Variants in NRXN3 observed in about 807,000 individuals in gnomAD.
The protein encoded by NRXN3 is neurexin III.
Under a neutral mutation model 137.6 loss-of-function variants are expected in NRXN3, and 32 were observed. The observed-to-expected ratio is 0.23, with a 90% CI of 0.18 to 0.31. The LOEUF is 0.31. Ranked by LOEUF, NRXN3 falls within the 10% of genes least tolerant of loss-of-function variation. NRXN3 has a pLI of 1.00. For synonymous variants in NRXN3, 798 were observed against 784.5 expected, an observed-to-expected ratio of 1.02 and a Z score of -0.29; for missense variants, 1,574 against 2,062.5, an observed-to-expected ratio of 0.76 and a Z score of 4.59.
intron 6 of NRXN3, among the ~76,000 whole-genome samples, chr14:78,657,086 T>TC (rs2097791369): frequency 7.6e-6 from 1 of 131,412 alleles, no homozygotes; most frequent in Non-Finnish European, 1.6e-5. Context: ...GAAAAGGTGG[T>TC]CCCCTGAGCT....
chr14:79,217,215 G>A (rs994196819), intron 15 of NRXN3, among the ~76,000 whole-genome samples: 1 of 152,174 alleles, frequency 6.6e-6, no homozygotes, highest in African/African-American at 2.4e-5. Context: ...GAAGCATAGT[G>A]TTAGCATCTG....
chr14:79,171,897 A>G (rs1036881100), intron 15 of NRXN3, among the ~76,000 whole-genome samples: 4 of 151,856 alleles, frequency 2.6e-5, no homozygotes, highest in Admixed American at 6.6e-5. Flanking sequence ...ACTGTGTGCA[A>G]CTCTGACTTT....
At chr14:78,885,032 T>G (rs1031614742) in intron 10 of NRXN3, among the ~76,000 whole-genome samples, 7 of 151,806 alleles carry the variant, frequency 4.6e-5, no homozygotes, top group Non-Finnish European at 8.8e-5. Context: ...TATTTGACTT[T>G]AATAAACAGC....
chr14:78,327,152 A>T (rs1266258850), intron 4 of NRXN3, among the ~76,000 whole-genome samples: 3 of 152,226 alleles, frequency 2.0e-5, no homozygotes, highest in African/African-American at 7.2e-5. Context: ...ATTATTAGTT[A>T]TTGTTAATGG....
At chr14:78,249,800 G>A (rs76757394) in intron 2 of NRXN3, among the ~76,000 whole-genome samples, 2,124 of 152,234 alleles carry the variant, frequency 0.014, 52 homozygotes, top group African/African-American at 0.049. Flanking sequence ...TTTTACGGAT[G>A]AGGAAACCGA....
intron 4 of NRXN3, among the ~76,000 whole-genome samples, chr14:78,618,084 A>C (rs1321426900): frequency 6.6e-6 from 1 of 151,932 alleles, no homozygotes; most frequent in Non-Finnish European, 1.5e-5. Flanking sequence ...TACAGTTAGC[A>C]CCCGAAAAGT....
chr14:79,282,493 G>GTC (rs535502639), intron 15 of NRXN3, among the ~76,000 whole-genome samples: 3,849 of 148,542 alleles, frequency 0.026, 156 homozygotes, highest in African/African-American at 0.084. Context: ...GTCAGAGTCA[G>GTC]TCTCTCTCTC....
intron 16 of NRXN3, among the ~76,000 whole-genome samples, chr14:79,560,582 C>T (rs1206279130): frequency 1.5e-5 from 2 of 134,684 alleles, no homozygotes. Flanking sequence ...ACAATCTCGG[C>T]TCACTGCAAC....
At chr14:78,866,846 G>A (rs1264584758) in intron 10 of NRXN3, among the ~76,000 whole-genome samples, 1 of 137,838 alleles carries the variant, frequency 7.3e-6, no homozygotes, top group African/African-American at 2.8e-5. Context: ...TGCCCAGGCT[G>A]GAGTACAGTG....
intron 15 of NRXN3, among the ~76,000 whole-genome samples, chr14:79,069,124 G>A (rs916951967): frequency 6.6e-6 from 1 of 152,060 alleles, no homozygotes; most frequent in Non-Finnish European, 1.5e-5. Context: ...CAGCACTGTT[G>A]GCTAAATATG....
chr14:78,415,614 A>G (rs1328937343), intron 4 of NRXN3, among the ~76,000 whole-genome samples: 3 of 152,112 alleles, frequency 2.0e-5, no homozygotes, highest in Non-Finnish European at 4.4e-5. Flanking sequence ...CTAGATTTCA[A>G]GTTCTCCAAA....
chr14:79,307,269 T>G (rs932948266), intron 15 of NRXN3, among the ~76,000 whole-genome samples: 1 of 152,134 alleles, frequency 6.6e-6, no homozygotes, highest in African/African-American at 2.4e-5. Flanking sequence ...AGAGCTGGAA[T>G]TGGAATCAAC....
chr14:79,475,820 G>A (rs1413425005), intron 16 of NRXN3, among the ~76,000 whole-genome samples: 2 of 152,052 alleles, frequency 1.3e-5, no homozygotes, highest in East Asian at 1.9e-4. Flanking sequence ...AAATTCTAAG[G>A]AGCTGGGATA....
chr14:78,288,551 G>A (rs952937947), intron 3 of NRXN3, among the ~76,000 whole-genome samples: 4 of 152,174 alleles, frequency 2.6e-5, no homozygotes, highest in African/African-American at 9.7e-5. Flanking sequence ...TGATCTATGT[G>A]GGTGCAGTGC....
intron 20 of NRXN3, among the ~76,000 whole-genome samples, chr14:79,856,009 G>T (rs978394576): frequency 6.6e-6 from 1 of 152,102 alleles, no homozygotes; most frequent in Non-Finnish European, 1.5e-5. Flanking sequence ...GACATTTCCT[G>T]TTTTGTAATA....
chr14:78,765,869 C>A (rs1481051134), intron 8 of NRXN3, among the ~76,000 whole-genome samples: 1 of 152,100 alleles, frequency 6.6e-6, no homozygotes, highest in African/African-American at 2.4e-5. Flanking sequence ...ACTGCATAGA[C>A]CTCTCACACA....
chr14:78,746,526 G>T (rs937148875), intron 8 of NRXN3, among the ~76,000 whole-genome samples: 1 of 152,180 alleles, frequency 6.6e-6, no homozygotes, highest in Non-Finnish European at 1.5e-5. Flanking sequence ...AAGCCCACTC[G>T]AGTGTCTTGA....
Position 78,321,211 on chromosome 14 carries a change from C to T in NRXN3, c.757+23351C>T, listed in dbSNP as rs2079318714. ...TTCAAGTCCAGGGTGCTCTTCATAACCCCATCTTGAGCTCTTTCCAGTGTC... is the reference window on the plus strand; with the variant it reads ...TTCAAGTCCAGGGTGCTCTTCATAATCCCATCTTGAGCTCTTTCCAGTGTC... On this transcript the variant is annotated intron_variant, in intron 4 of 20. Coordinates refer to ENST00000335750, the MANE Select transcript of NRXN3 (RefSeq NM_001330195.2). Among the ~76,000 whole-genome samples, 4 of 152,014 alleles carry T rather than the reference C, an allele frequency of 2.6e-5. No individual in the cohort carries two copies. In the South Asian group the frequency reaches 8.3e-4, roughly 32 times the overall value.
chr14:78,630,416 G>A (rs776542503), intron 4 of NRXN3, among the ~76,000 whole-genome samples: 29 of 152,070 alleles, frequency 1.9e-4, no homozygotes, highest in Non-Finnish European at 2.6e-4. Flanking sequence ...AAGTAGAAAG[G>A]AGTAGAATGT....
Sources: gnomAD v4.1 joint callset for allele counts (sites outside exome capture counted in the v4.1 genomes callset) on GRCh38, gnomAD v4.1.1 for gene constraint, MANE v1.5 for transcripts, NCBI Gene and HGNC (gene_info 2026-07-23, HGNC 2026-07-21) for gene names.